PTPRR: variants seen among roughly 807,000 people sequenced by gnomAD.
PTPRR encodes the protein receptor-type tyrosine-protein phosphatase R.
Under a neutral mutation model 77.2 loss-of-function variants are expected in PTPRR, and 38 were observed. The observed-to-expected ratio is 0.49, with a 90% CI of 0.38 to 0.65. PTPRR has a LOEUF of 0.65. Ranked by LOEUF, PTPRR falls within the 30% of genes least tolerant of loss-of-function variation. The probability of loss-of-function intolerance (pLI) is 0.00; values close to 1 mark genes in which losing one functional copy is unlikely to be tolerated. For missense variants in PTPRR, 744 were observed against 799.2 expected (o/e 0.93, Z 0.83); for synonymous variants, 299 against 283.1 (o/e 1.06, Z -0.57).
At chr12:70,641,877 C>T (rs1016608108) in intron 13 of PTPRR, among the ~76,000 whole-genome samples, 1 of 152,230 alleles carries the variant, frequency 6.6e-6, no homozygotes, top group African/African-American at 2.4e-5. Context: ...AGTCACACAA[C>T]AGCTCTCCAA....
intron 2 of PTPRR, among the ~76,000 whole-genome samples, chr12:70,823,154 C>T (rs867878721): frequency 7.2e-6 from 1 of 139,284 alleles, no homozygotes; most frequent in Non-Finnish European, 1.6e-5. Context: ...CACACACACA[C>T]AGAGTTGTCG....
At chr12:70,860,839 G>A (rs1592798361) in intron 2 of PTPRR, among the ~76,000 whole-genome samples, 1 of 152,228 alleles carries the variant, frequency 6.6e-6, no homozygotes, top group East Asian at 1.9e-4. Flanking sequence ...ATGTGTGCTA[G>A]GCAGTATGAA....
intron 2 of PTPRR, among the ~76,000 whole-genome samples, chr12:70,807,419 A>T (rs1305045091): frequency 3.3e-5 from 5 of 152,198 alleles, no homozygotes; most frequent in South Asian, 2.1e-4. Context: ...ATGTCATACA[A>T]TAGATAGCTT....
At position 70,793,862 on chromosome 12, in the gene PTPRR, C is replaced by G. The variant is rs566770544; in HGVS notation, c.358-29084G>C. 5.3e-5 allele frequency among the ~76,000 whole-genome samples: 8 copies of G among 152,242 alleles called. No homozygotes were observed. In the East Asian group the frequency reaches 7.7e-4, roughly 15 times the overall value. ...ATTGACATAGTTAAATTCCCAGGAC[C>G]CTCAGTTCTTTAGGGATGGACTAAA... On this transcript the variant is annotated intron_variant, in intron 2 of 13. Coordinates refer to ENST00000283228, the MANE Select transcript of PTPRR (RefSeq NM_002849.4).
At chr12:70,784,532 G>T (rs949988649) in intron 2 of PTPRR, among the ~76,000 whole-genome samples, 1 of 152,188 alleles carries the variant, frequency 6.6e-6, no homozygotes, top group African/African-American at 2.4e-5. Context: ...GCTCCAATGG[G>T]CGGTGCCCAG....
At chr12:70,685,553 G>C (rs1172357174) in intron 8 of PTPRR, among the ~76,000 whole-genome samples, 1 of 151,698 alleles carries the variant, frequency 6.6e-6, no homozygotes, top group African/African-American at 2.4e-5. Context: ...GGGAGGCTGA[G>C]GCATGAGAAT....
intron 1 of PTPRR, among the ~76,000 whole-genome samples, chr12:70,918,991 C>A (rs1024046132): frequency 6.6e-6 from 1 of 152,204 alleles, no homozygotes; most frequent in Admixed American, 6.5e-5. Context: ...GAAAACTCCA[C>A]AATATAACAT....
chr12:70,807,737 C>T (rs564510389), intron 2 of PTPRR, among the ~76,000 whole-genome samples: 1 of 152,310 alleles, frequency 6.6e-6, no homozygotes, highest in East Asian at 1.9e-4. Context: ...ACATTTATCA[C>T]TTCCCCAATC....
chr12:70,682,034 CTTTTTTTTT>C (rs578204454), intron 10 of PTPRR, among the ~76,000 whole-genome samples: 8 of 62,690 alleles, frequency 1.3e-4, no homozygotes, highest in Non-Finnish European at 2.3e-4. Flanking sequence ...TTGTTGTTCA[CTTTTTTTTT>C]TTTTTTTTTT....
At chr12:70,696,705 G>A (rs1888245433) in intron 8 of PTPRR, among the ~76,000 whole-genome samples, 1 of 152,016 alleles carries the variant, frequency 6.6e-6, no homozygotes, top group South Asian at 2.1e-4. Context: ...AACAATCACT[G>A]TAAATCAATT....
At chr12:70,760,137 C>G (rs1457766340) in intron 4 of PTPRR, among the ~76,000 whole-genome samples, 1 of 152,122 alleles carries the variant, frequency 6.6e-6, no homozygotes, top group Non-Finnish European at 1.5e-5. Context: ...TTGTCTGCTA[C>G]CTAGGCTGTG....
intron 1 of PTPRR, among the ~76,000 whole-genome samples, chr12:70,895,394 C>T (rs182840458): frequency 6.9e-4 from 105 of 151,568 alleles, no homozygotes; most frequent in African/African-American, 2.4e-3. Flanking sequence ...TTAATAAATG[C>T]ATGCTAAAAT....
chr12:70,775,920 G>A (rs1891077906), intron 2 of PTPRR, among the ~76,000 whole-genome samples: 1 of 152,206 alleles, frequency 6.6e-6, no homozygotes, highest in South Asian at 2.1e-4. Context: ...TGACCTGTTA[G>A]AGACATTTTA....
intron 9 of PTPRR, 45 bp from the exon 10 acceptor site, chr12:70,684,309 C>T (rs764159281): frequency 4.4e-6 from 7 of 1,584,404 alleles, no homozygotes; most frequent in Non-Finnish European, 6.0e-6. Context: ...TAAGTTCATG[C>T]CTTGCAGTGA....
At chr12:70,851,219 G>C (rs1032648581) in intron 2 of PTPRR, among the ~76,000 whole-genome samples, 1 of 152,114 alleles carries the variant, frequency 6.6e-6, no homozygotes, top group Non-Finnish European at 1.5e-5. Context: ...TTCAGAGATA[G>C]GTCTCTTAAA....
At position 70,892,745 on chromosome 12, in the gene PTPRR, C is replaced by A; in HGVS notation, c.291G>T (p.Leu97=). 6.2e-7 allele frequency: 1 copy of A among 1,613,426 alleles called. No individual in the cohort carries two copies. Among genetic ancestry groups the A allele is most frequent in the South Asian group, 1.1e-5 (1 of 91,060 alleles). ...RPAYDPSLNL[L]AMDGQDLEVE... is the part of the protein sequence containing the mutation. ...CTTCAAGATCTTGACCATCCATGGC[C>A]AGCAGATTGAGAGACGGGTCATATG... The change falls in exon 2 of 14, where the codon CTG becomes CTT. Residue 97 remains leucine, a synonymous_variant. Coordinates refer to ENST00000283228, the MANE Select transcript of PTPRR (RefSeq NM_002849.4).
At chr12:70,727,786 T>C (rs1452500011) in intron 6 of PTPRR, among the ~76,000 whole-genome samples, 1 of 152,200 alleles carries the variant, frequency 6.6e-6, no homozygotes, top group Non-Finnish European at 1.5e-5. Flanking sequence ...CACATGTACT[T>C]GAACATCACA....
At chr12:70,728,528 A>AATATAT (rs71068723) in intron 6 of PTPRR, among the ~76,000 whole-genome samples, 2,884 of 79,960 alleles carry the variant, frequency 0.036, 100 homozygotes, top group African/African-American at 0.048. Context: ...CCAAAATCTG[A>AATATAT]ATATATATAT....
At chr12:70,706,486 C>T (rs777539119) in intron 6 of PTPRR, among the ~76,000 whole-genome samples, 4 of 151,752 alleles carry the variant, frequency 2.6e-5, no homozygotes, top group Admixed American at 6.6e-5. Flanking sequence ...TGAATTTCAC[C>T]CTAAAGTAAA....
Sources: gnomAD v4.1 joint callset for allele counts (sites outside exome capture counted in the v4.1 genomes callset) on GRCh38, gnomAD v4.1.1 for gene constraint, MANE v1.5 for transcripts, NCBI Gene and HGNC (gene_info 2026-07-23, HGNC 2026-07-21) for gene names.